Variants in CNRIP1 observed in about 807,000 individuals in gnomAD.
The protein encoded by CNRIP1 is CB1 cannabinoid receptor-interacting protein 1.
In CNRIP1, 10 loss-of-function variants were observed where a neutral mutation model predicts 15.2. The observed-to-expected ratio is 0.66, with a 90% CI of 0.41 to 1.12. The LOEUF (loss-of-function observed/expected upper bound fraction) is 1.12, where lower values mean the gene tolerates loss of function less well. CNRIP1 is among the 50% of genes most tolerant of loss of function. The pLI is 0.00. For synonymous variants in CNRIP1, 91 were observed against 83.2 expected, an observed-to-expected ratio of 1.09 and a Z score of -0.51; for missense variants, 211 against 214.7, an observed-to-expected ratio of 0.98 and a Z score of 0.11.
At position 68,319,543 on chromosome 2, in the gene CNRIP1, G is replaced by A; in HGVS notation, c.-143C>T. 1.2e-6 allele frequency: 1 copy of A among 855,114 alleles called. No individual in the cohort carries two copies. The highest frequency in any genetic ancestry group is 2.0e-5 in the South Asian group (1 of 50,906). The allele number at this position is 855,114 out of a possible 1,614,324, so 53.0% of individuals were successfully genotyped here. A position where few individuals can be genotyped will look rare whatever the true frequency, so the allele number is the denominator to read the frequency against. Reference sequence around the variant, plus strand: ...GAGCTGAGGCTGCCGCTAGGAACCCGCGCCGTCGCCGCCGTCCGCCCGGGC... The same window carrying A: ...GAGCTGAGGCTGCCGCTAGGAACCCACGCCGTCGCCGCCGTCCGCCCGGGC... On this transcript the variant is annotated 5_prime_UTR_variant, in exon 1 of 3. Transcript: ENST00000263655.
intron 2 of CNRIP1, among the ~76,000 whole-genome samples, chr2:68,306,150 A>AAAAAAAAAAAAG (rs1297450699): frequency 6.8e-6 from 1 of 146,480 alleles, no homozygotes; most frequent in African/African-American, 2.6e-5. Flanking sequence ...AAAAAAAAAA[A>AAAAAAAAAAAAG]ATTAGCTGGG....
At chr2:68,287,988 C>T (rs2103877085) in intron 2 of CNRIP1, among the ~76,000 whole-genome samples, 1 of 152,226 alleles carries the variant, frequency 6.6e-6, no homozygotes, top group South Asian at 2.1e-4. Context: ...CTTTTAGTCT[C>T]CTTTAAAGGG....
At chr2:68,302,880 C>G (rs570812860) in intron 2 of CNRIP1, among the ~76,000 whole-genome samples, 53 of 147,802 alleles carry the variant, frequency 3.6e-4, no homozygotes, top group Admixed American at 6.0e-4. Context: ...ACGGAGTCTC[C>G]CTGTCGCCCA....
At chr2:68,314,085 T>C (rs1262595948) in intron 2 of CNRIP1, among the ~76,000 whole-genome samples, 1 of 152,120 alleles carries the variant, frequency 6.6e-6, no homozygotes, top group Non-Finnish European at 1.5e-5. Flanking sequence ...ATAAGACCCT[T>C]GGTATATACT....
At chr2:68,285,144 C>T (rs560748834) in intron 2 of CNRIP1, among the ~76,000 whole-genome samples, 3 of 152,154 alleles carry the variant, frequency 2.0e-5, no homozygotes, top group Non-Finnish European at 4.4e-5. Flanking sequence ...GCTCCTGGGG[C>T]ACCAGATGCA....
At chr2:68,315,853 A>T (rs1016431422) in intron 2 of CNRIP1, 1 of 151,954 alleles carries the variant, frequency 6.6e-6, no homozygotes, top group Admixed American at 6.5e-5. Flanking sequence ...ACTAAAAAAA[A>T]TTTTTTTAGA....
chr2:68,286,084 A>C (rs374114139), intron 2 of CNRIP1, among the ~76,000 whole-genome samples: 1 of 152,140 alleles, frequency 6.6e-6, no homozygotes, highest in East Asian at 1.9e-4. Flanking sequence ...TTGGTTAGCT[A>C]TCCCCTCCTA....
exon 3 of CNRIP1, chr2:68,284,372 T>TG (rs1310299812): frequency 9.1e-7 from 1 of 1,096,420 alleles, no homozygotes; most frequent in African/African-American, 2.6e-5. Context: ...GCAAATAATT[T>TG]GGAAAAAAAA....
At chr2:68,284,398 C>T in exon 3 of CNRIP1, 1 of 1,389,984 alleles carries the variant, frequency 7.2e-7, no homozygotes, top group Non-Finnish European at 9.6e-7. Flanking sequence ...AACATTTGTT[C>T]CTCATGATGG....
At chr2:68,310,877 A>G (rs1351535228) in intron 2 of CNRIP1, among the ~76,000 whole-genome samples, 1 of 152,192 alleles carries the variant, frequency 6.6e-6, no homozygotes, top group Non-Finnish European at 1.5e-5. Context: ...AACTATAAAA[A>G]AGACAAATGA....
At chr2:68,317,129 T>C (rs1439505424) in intron 2 of CNRIP1, 28 bp downstream of exon 2, 1 of 1,614,082 alleles carries the variant, frequency 6.2e-7, no homozygotes, top group East Asian at 2.2e-5. Context: ...CATGGCACCA[T>C]ACTCCTATAC....
chr2:68,294,917 A>G (rs1279077759), intron 2 of CNRIP1, among the ~76,000 whole-genome samples: 1 of 152,004 alleles, frequency 6.6e-6, no homozygotes, highest in Non-Finnish European at 1.5e-5. Flanking sequence ...ACTGCACAGA[A>G]CTCTCCTGAG....
At chr2:68,300,342 G>A (rs1671557702) in intron 2 of CNRIP1, among the ~76,000 whole-genome samples, 2 of 152,146 alleles carry the variant, frequency 1.3e-5, no homozygotes, top group African/African-American at 4.8e-5. Flanking sequence ...CAAGAGGCCG[G>A]GTGCAGTGGC....
chr2:68,306,886 G>T (rs1671875391), intron 2 of CNRIP1, among the ~76,000 whole-genome samples: 1 of 152,080 alleles, frequency 6.6e-6, no homozygotes, highest in Admixed American at 6.5e-5. Flanking sequence ...CACCAAACAG[G>T]ACAGAAGGCC....
chr2:68,284,541 G>A, intron 2 of CNRIP1: 1 of 1,173,628 alleles, frequency 8.5e-7, no homozygotes, highest in South Asian at 1.4e-5. Flanking sequence ...GGTAGGTGCA[G>A]TGACTCACGC....
chr2:68,290,182 C>G (rs13431226), downstream of CNRIP1, among the ~76,000 whole-genome samples: 3,926 of 152,058 alleles, frequency 0.026, 176 homozygotes, highest in African/African-American at 0.087. Flanking sequence ...GCGTGCACCA[C>G]CATGCTGGGT....
intron 2 of CNRIP1, among the ~76,000 whole-genome samples, chr2:68,303,412 A>G (rs924219998): frequency 6.6e-6 from 1 of 152,106 alleles, no homozygotes; most frequent in Non-Finnish European, 1.5e-5. Context: ...GAGGGCAGAG[A>G]GGAGACCTCC....
At position 68,317,229 on chromosome 2, in the gene CNRIP1, C is replaced by T. The variant is rs147647451; in HGVS notation, c.258G>A (p.Thr86=). ...KEPDGDRVVY[T]GTYDTEGVTP... is the part of the protein sequence containing the mutation. ...TCACACCTTCTGTGTCATATGTACCCGTATAAACAACTCTGTCCCCATCAG... is the reference window on the plus strand; with the variant it reads ...TCACACCTTCTGTGTCATATGTACCTGTATAAACAACTCTGTCCCCATCAG... Residue 86 remains threonine, a synonymous_variant, in exon 2 of 3, where the codon ACG becomes ACA. Transcript: ENST00000263655. 8 of 1,614,022 alleles carry T rather than the reference C, an allele frequency of 5.0e-6. No individual in the cohort carries two copies. The highest frequency in any genetic ancestry group is 1.6e-4 in the Middle Eastern group (1 of 6,084).
intron 2 of CNRIP1, among the ~76,000 whole-genome samples, chr2:68,312,163 A>T (rs1389446714): frequency 6.6e-6 from 1 of 152,228 alleles, no homozygotes; most frequent in East Asian, 1.9e-4. Flanking sequence ...AGACAAAGGC[A>T]TTATAAGAAA....
Sources: allele counts gnomAD v4.1 joint callset (sites outside exome capture counted in the v4.1 genomes callset), GRCh38; gene constraint gnomAD v4.1.1; transcripts MANE v1.5; gene names NCBI Gene and HGNC (gene_info 2026-07-23, HGNC 2026-07-21).